The following ZNF704 variants were observed in gnomAD, a reference collection of about 807,000 sequenced individuals.
ZNF704 encodes glucocorticoid induced gene 1.
A neutral mutation model predicts 44.7 loss-of-function variants in ZNF704; 10 were observed. That is an observed-to-expected ratio of 0.22 (90% CI 0.14 to 0.38). ZNF704 has a LOEUF of 0.38. Ranked by LOEUF, ZNF704 falls within the 10% of genes least tolerant of loss-of-function variation. The pLI, the probability that ZNF704 is intolerant of heterozygous loss-of-function variation, is 1.00. For missense variants in ZNF704, 390 were observed against 545.5 expected, an observed-to-expected ratio of 0.71 and a Z score of 2.84; for synonymous variants, 211 against 207.6, an observed-to-expected ratio of 1.02 and a Z score of -0.14.
chr8:80,809,861 C>G (rs896601974), intron 2 of ZNF704, among the ~76,000 whole-genome samples: 1 of 152,150 alleles, frequency 6.6e-6, no homozygotes, highest in Non-Finnish European at 1.5e-5. Flanking sequence ...CTCATATCTA[C>G]TTTCTTTTGT....
chr8:80,794,996 G>A (rs866681895), intron 2 of ZNF704, among the ~76,000 whole-genome samples: 3 of 152,300 alleles, frequency 2.0e-5, no homozygotes, highest in South Asian at 2.1e-4. Context: ...GAAGTGCATA[G>A]GATAAACCCT....
chr8:80,863,035 AT>A (rs1310158504), intron 1 of ZNF704, among the ~76,000 whole-genome samples: 4 of 151,368 alleles, frequency 2.6e-5, no homozygotes, highest in African/African-American at 4.9e-5. Context: ...TCAGTTGTCC[AT>A]TTCCCCCCCT....
intron 2 of ZNF704, among the ~76,000 whole-genome samples, chr8:80,695,352 T>C (rs975780584): frequency 6.6e-6 from 1 of 152,304 alleles, no homozygotes; most frequent in East Asian, 1.9e-4. Flanking sequence ...CTTCCAAGAC[T>C]GAATTAGGAG....
chr8:80,859,779 C>T (rs78252226), intron 1 of ZNF704, among the ~76,000 whole-genome samples: 1,991 of 152,182 alleles, frequency 0.013, 43 homozygotes, highest in African/African-American at 0.045. Flanking sequence ...CCTCCTTCTA[C>T]TGGATGATTG....
intron 1 of ZNF704, among the ~76,000 whole-genome samples, chr8:80,860,301 T>TCATTCAACACA (rs1318785916): frequency 5.3e-5 from 8 of 152,174 alleles, no homozygotes; most frequent in African/African-American, 1.9e-4. Flanking sequence ...CATTGACCGC[T>TCATTCAACACA]GTGTCTGTGT....
chr8:80,842,258 A>G (rs901107214), intron 1 of ZNF704, among the ~76,000 whole-genome samples: 1 of 152,180 alleles, frequency 6.6e-6, no homozygotes, highest in African/African-American at 2.4e-5. Flanking sequence ...TCTGCACTTC[A>G]AGGTCCACCC....
chr8:80,821,503 T>C lies in ZNF704; in HGVS notation c.92A>G (p.Asp31Gly). The C allele has an allele frequency of 6.2e-7, 1 of 1,614,162 alleles. No individual in the cohort carries two copies. Among genetic ancestry groups the C allele is most frequent in the Non-Finnish European group, 8.5e-7 (1 of 1,180,000 alleles). Residue 31 changes from aspartate to glycine, a missense_variant, in exon 2 of 9, where the codon GAT becomes GGT. Transcript: ENST00000327835. ...QHVFSLAMEE[D>G]VKTADTKKAS... Reference sequence around the variant, plus strand: ...TTTTTTGGTGTCTGCTGTTTTCACATCTTCCTCCATGGCCAAGGAAAACAC... The same window carrying C: ...TTTTTTGGTGTCTGCTGTTTTCACACCTTCCTCCATGGCCAAGGAAAACAC...
intron 2 of ZNF704, among the ~76,000 whole-genome samples, chr8:80,795,516 T>C (rs1053101638): frequency 2.0e-5 from 3 of 152,102 alleles, no homozygotes; most frequent in Non-Finnish European, 2.9e-5. Context: ...ACTGGAACAT[T>C]GAAAATACGC....
At chr8:80,805,709 C>T (rs1327422760) in intron 2 of ZNF704, among the ~76,000 whole-genome samples, 1 of 152,138 alleles carries the variant, frequency 6.6e-6, no homozygotes, top group Non-Finnish European at 1.5e-5. Flanking sequence ...AATTAAGCAT[C>T]ACATTTTCCA....
chr8:80,690,233 C>T (rs1229821573), intron 3 of ZNF704, among the ~76,000 whole-genome samples: 1 of 152,110 alleles, frequency 6.6e-6, no homozygotes, highest in East Asian at 1.9e-4. Flanking sequence ...CGAAAGTTTG[C>T]ATTGAAGAGC....
intron 6 of ZNF704, 50 bp from the exon 7 acceptor site, chr8:80,659,739 G>A (rs374179304): frequency 1.2e-5 from 19 of 1,533,904 alleles, no homozygotes; most frequent in South Asian, 4.5e-5. Context: ...ATTTTCCTTC[G>A]GAGCTTTAAG....
chr8:80,789,307 C>T (rs922565555), intron 2 of ZNF704, among the ~76,000 whole-genome samples: 1 of 152,166 alleles, frequency 6.6e-6, no homozygotes, highest in East Asian at 1.9e-4. Flanking sequence ...GGTGGAAGAA[C>T]TAGCTACTGA....
intron 4 of ZNF704, among the ~76,000 whole-genome samples, chr8:80,683,998 C>A (rs1818495732): frequency 6.6e-6 from 1 of 152,146 alleles, no homozygotes; most frequent in Non-Finnish European, 1.5e-5. Flanking sequence ...TGTTTAGAGT[C>A]CTCAAATGTC....
chr8:80,809,887 T>C (rs151033705), intron 2 of ZNF704, among the ~76,000 whole-genome samples: 248 of 152,290 alleles, frequency 1.6e-3, no homozygotes, highest in Middle Eastern at 0.01. Context: ...TCCTGAATTC[T>C]TATTTTTTTT....
intron 1 of ZNF704, among the ~76,000 whole-genome samples, chr8:80,865,281 C>A (rs1037638508): frequency 2.0e-5 from 3 of 152,122 alleles, no homozygotes; most frequent in African/African-American, 7.2e-5. Flanking sequence ...ATCATATTAT[C>A]CCAATTTTGA....
intron 2 of ZNF704, among the ~76,000 whole-genome samples, chr8:80,725,468 A>T (rs370251456): frequency 7.2e-5 from 11 of 152,224 alleles, no homozygotes; most frequent in Admixed American, 7.2e-4. Flanking sequence ...GGAATTAAGA[A>T]CAAGAAGAAC....
At chr8:80,780,664 C>T (rs1807507844) in intron 2 of ZNF704, among the ~76,000 whole-genome samples, 1 of 152,012 alleles carries the variant, frequency 6.6e-6, no homozygotes, top group South Asian at 2.1e-4. Context: ...AAAAATAAGA[C>T]ACAGAGAAGA....
chr8:80,836,848 C>G (rs552259131), intron 1 of ZNF704, among the ~76,000 whole-genome samples: 10 of 152,262 alleles, frequency 6.6e-5, no homozygotes, highest in African/African-American at 2.4e-4. Context: ...TTCTATCATT[C>G]TGCAGGACTT....
intron 1 of ZNF704, among the ~76,000 whole-genome samples, chr8:80,822,499 A>C (rs1321303173): frequency 6.6e-6 from 1 of 152,246 alleles, no homozygotes; most frequent in African/African-American, 2.4e-5. Flanking sequence ...TCATGCCAAA[A>C]TAAACATATG....
Sources: gnomAD v4.1 joint callset for allele counts (sites outside exome capture counted in the v4.1 genomes callset) on GRCh38, gnomAD v4.1.1 for gene constraint, MANE v1.5 for transcripts, NCBI Gene and HGNC (gene_info 2026-07-23, HGNC 2026-07-21) for gene names.